ANP32E: variants seen among roughly 807,000 people sequenced by gnomAD.
The protein encoded by ANP32E is acidic leucine-rich nuclear phosphoprotein 32 family member E.
ANP32E carries 14 observed loss-of-function variants against 35.3 expected under a neutral mutation model. The ratio of observed to expected loss-of-function variants is 0.40; its 90% CI spans 0.26 to 0.62. The LOEUF (loss-of-function observed/expected upper bound fraction) is 0.62. Among genes scored for constraint, ANP32E ranks in the 20% least tolerant of loss-of-function variants. The probability of loss-of-function intolerance (pLI) is 0.45; values close to 1 mark genes in which losing one functional copy is unlikely to be tolerated. For missense variants in ANP32E, 198 were observed against 304.4 expected, an observed-to-expected ratio of 0.65 and a Z score of 2.60; for synonymous variants, 89 against 110.4, an observed-to-expected ratio of 0.81 and a Z score of 1.22.
At chr1:150,233,423 C>G (rs904289267) in intron 1 of ANP32E, among the ~76,000 whole-genome samples, 3 of 152,112 alleles carry the variant, frequency 2.0e-5, no homozygotes, top group Admixed American at 6.6e-5. Flanking sequence ...CTGGGAACAG[C>G]CCAGAGGGTG....
chr1:150,229,329 T>G, intron 3 of ANP32E, 92 bp from the exon 4 acceptor site: 1 of 758,178 alleles, frequency 1.3e-6, no homozygotes, highest in Non-Finnish European at 2.0e-6. Context: ...AGACGGAGTC[T>G]AGCTCTGTTG....
intron 5 of ANP32E, among the ~76,000 whole-genome samples, chr1:150,223,754 T>TA (rs1224688686): frequency 4.6e-5 from 7 of 151,324 alleles, no homozygotes; most frequent in Non-Finnish European, 8.8e-5. Flanking sequence ...TTTATTTATT[T>TA]TTTTTTTTGA....
At chr1:150,232,161 G>A (rs1649398164) in intron 1 of ANP32E, among the ~76,000 whole-genome samples, 3 of 151,352 alleles carry the variant, frequency 2.0e-5, no homozygotes, top group Admixed American at 6.6e-5. Flanking sequence ...CGGCTAAAAC[G>A]GTGAAACCCC....
chr1:150,232,491 G>GTTTT (rs1560005761), intron 1 of ANP32E, among the ~76,000 whole-genome samples: 1 of 56,136 alleles, frequency 1.8e-5, no homozygotes, highest in Admixed American at 2.4e-4. Flanking sequence ...TTTTTTTGTA[G>GTTTT]ATGGAGTCTT....
At chr1:150,229,263 A>T in intron 3 of ANP32E, 26 bp from the exon 4 acceptor site, 1 of 1,345,518 alleles carries the variant, frequency 7.4e-7, no homozygotes, top group African/African-American at 1.5e-5. Flanking sequence ...TAAAACTTAC[A>T]TTCAAGATTT....
At chr1:150,232,716 G>T (rs587688722) in intron 1 of ANP32E, among the ~76,000 whole-genome samples, 1 of 151,674 alleles carries the variant, frequency 6.6e-6, no homozygotes, top group Non-Finnish European at 1.5e-5. Context: ...CAGGTGATTC[G>T]CCCCCCTCAG....
chr1:150,226,791 G>T lies in ANP32E; in HGVS notation c.498C>A (p.Gly166=), dbSNP rs7522034. 0.44 allele frequency: 704,181 copies of T among 1,592,310 alleles called. 163,718 individuals carry two copies. The highest frequency in any genetic ancestry group is 0.85 in the African/African-American group (63,147 of 74,268). ...CCTCTTCCTCTTCATCATCTTCATCGCCATCTTTAAAAAATCATTTAAAGA... is the reference window on the plus strand; with the variant it reads ...CCTCTTCCTCTTCATCATCTTCATCTCCATCTTTAAAAAATCATTTAAAGA... ...PDSEEEDDED[G]DEDDEEEEEN... The change falls in exon 5 of 7, where the codon GGC becomes GGA. Residue 166 remains glycine (G), a synonymous_variant. Coordinates refer to ENST00000583931, the MANE Select transcript of ANP32E (RefSeq NM_030920.5).
At chr1:150,223,141 C>A in intron 6 of ANP32E, 45 bp downstream of exon 6, 2 of 1,467,562 alleles carry the variant, frequency 1.4e-6, no homozygotes, top group Non-Finnish European at 9.2e-7. Context: ...TAAAAAATGA[C>A]TATGTCTTTA....
Position 150,226,716 on chromosome 1 carries a change from C to A in ANP32E, c.573G>T (p.Glu191Asp). 2 of 1,586,046 alleles carry A rather than the reference C, an allele frequency of 1.3e-6. No homozygotes were observed. Among genetic ancestry groups the A allele is most frequent in the Non-Finnish European group, 1.7e-6 (2 of 1,155,278 alleles). ...PEGYEEEEEE[E>D]EEEDEDEDED... ...CATCCTCATCCTCATCCTCCTCTTC[C>A]TCTTCCTCCTCCTCTTCCTCATATC... is the stretch of plus-strand genomic sequence containing the variant. The change falls in exon 5 of 7, where the codon GAG becomes GAT. Residue 191 changes from glutamate to aspartate, a missense_variant. By Grantham distance (45) the Glu-to-Asp change is conservative (BLOSUM62 2). Transcript: ENST00000583931.
rs1553842920 is a variant in ANP32E at position 150,235,142 on chromosome 1, G to A, written c.54+591C>T. On this transcript the variant is annotated intron_variant, in intron 1 of 6. Coordinates refer to ENST00000583931, the MANE Select transcript of ANP32E (RefSeq NM_030920.5). The surrounding 1 kb of genome is among the most constrained non-coding windows in gnomAD (Gnocchi z 4.2). Reference sequence around the variant, plus strand: ...CCCGCCGCTGACCCAGATTCCGCCGGGCGAAGGGCAGAGGGCGGCGCGCGC... The same window carrying A: ...CCCGCCGCTGACCCAGATTCCGCCGAGCGAAGGGCAGAGGGCGGCGCGCGC... Among the ~76,000 whole-genome samples, 2 of 152,188 alleles carry A rather than the reference G, an allele frequency of 1.3e-5. No individual in the cohort carries two copies. The highest frequency in any genetic ancestry group is 2.1e-4 in the South Asian group (1 of 4,836).
chr1:150,229,353 A>T, intron 3 of ANP32E, 116 bp from the exon 4 acceptor site: 1 of 623,790 alleles, frequency 1.6e-6, no homozygotes, highest in Non-Finnish European at 2.5e-6. Context: ...GCTGGAATTC[A>T]GCGCCACGAT....
chr1:150,223,871 G>C (rs1167844959), intron 5 of ANP32E, among the ~76,000 whole-genome samples: 1 of 151,350 alleles, frequency 6.6e-6, no homozygotes, highest in Non-Finnish European at 1.5e-5. Flanking sequence ...TCGGCCTCCC[G>C]ATTAGCTGGG....
At chr1:150,231,750 T>C in intron 2 of ANP32E, 27 bp downstream of exon 2, 2 of 1,596,598 alleles carry the variant, frequency 1.3e-6, no homozygotes, top group South Asian at 1.1e-5. Flanking sequence ...ATTGAAATCA[T>C]GATGCTTCAC....
In ANP32E at chr1:150,226,682, C is replaced by T. The variant is rs868981144; in HGVS notation, c.607G>A (p.Asp203Asn). 1 of 1,599,566 alleles carries T rather than the reference C, an allele frequency of 6.3e-7. No individual in the cohort carries two copies. The highest frequency in any genetic ancestry group is 1.1e-5 in the South Asian group (1 of 90,378). Residue 203 changes from aspartate (D) to asparagine (N), a missense_variant, in exon 5 of 7, where the codon GAT becomes AAT. This residue lies in a region of ANP32E where 121 missense variants were observed against 137.3 expected (regional missense o/e 0.88). Transcript: ENST00000583931. ...EEDEDEDEDE[D>N]EAGSELGEGE... is the part of the protein sequence containing the mutation. ...TCTCCCAACTCTGAACCTGCTTCAT[C>T]TTCATCTTCATCCTCATCCTCATCC...
At chr1:150,234,258 C>T (rs1388846157) in intron 1 of ANP32E, among the ~76,000 whole-genome samples, 1 of 151,366 alleles carries the variant, frequency 6.6e-6, no homozygotes, top group African/African-American at 2.4e-5. Flanking sequence ...GTATTCTAAA[C>T]GTGTGCTTGT....
intron 1 of ANP32E, among the ~76,000 whole-genome samples, chr1:150,232,717 C>T (rs1649462463): frequency 1.3e-5 from 2 of 151,922 alleles, no homozygotes; most frequent in Admixed American, 6.6e-5. Flanking sequence ...AGGTGATTCG[C>T]CCCCCTCAGC....
intron 6 of ANP32E, among the ~76,000 whole-genome samples, chr1:150,221,067 A>G (rs1302142726): frequency 1.5e-5 from 2 of 132,290 alleles, no homozygotes; most frequent in Non-Finnish European, 3.1e-5. Context: ...GTGAGCCAAG[A>G]TTGCGCCACT....
Position 150,223,199 on chromosome 1 carries a change from T to C in ANP32E, c.723A>G (p.Glu241=). Residue 241 remains glutamate, a synonymous_variant, in exon 6 of 7, where the codon GAA becomes GAG. Coordinates refer to ENST00000583931, the MANE Select transcript of ANP32E (RefSeq NM_030920.5). ...AATGTAACTCACCCTCTTCTTCCTCTTCTTCCCCTTCTTCAACATAGTCAT... is the reference window on the plus strand; with the variant it reads ...AATGTAACTCACCCTCTTCTTCCTCCTCTTCCCCTTCTTCAACATAGTCAT... The part of the protein sequence containing the change: ...DDDDYVEEGE[E]EEEEEEGGLR... 6.6e-7 allele frequency: 1 copy of C among 1,522,106 alleles called. No individual in the cohort carries two copies. Among genetic ancestry groups the C allele is most frequent in the Non-Finnish European group, 8.9e-7 (1 of 1,119,674 alleles). 94.3% of individuals were successfully genotyped at this position (1,522,106 alleles called of 1,614,324 possible).
Position 150,235,999 on chromosome 1 carries a change from C to G in ANP32E, c.-213G>C. ...ACTCTAACTCAGCTGCCCCCACCTC[C>G]TTGTCCACACACTAGCGCGCGCACA... On this transcript the variant is annotated 5_prime_UTR_variant, in exon 1 of 7. Transcript: ENST00000583931. This position sits in a 1 kb window ranked among gnomAD's most constrained non-coding sequence, Gnocchi z 4.2. 3.5e-6 allele frequency: 2 copies of G among 572,680 alleles called. No homozygotes were observed. The highest frequency in any genetic ancestry group is 4.1e-5 in the South Asian group (2 of 49,292). 35.5% of individuals were successfully genotyped at this position (572,680 alleles called of 1,614,324 possible).
Sources: gnomAD v4.1 joint callset for allele counts (sites outside exome capture counted in the v4.1 genomes callset) on GRCh38, gnomAD v4.1.1 for gene constraint, gnomAD v4.1.1 regional missense constraint, Gnocchi (gnomAD v3.1) non-coding constraint, MANE v1.5 for transcripts, NCBI Gene and HGNC (gene_info 2026-07-23, HGNC 2026-07-21) for gene names.